MFHAS1: variants seen among roughly 807,000 people sequenced by gnomAD.
The protein encoded by MFHAS1 is malignant fibrous histiocytoma-amplified sequence 1.
In MFHAS1, 50 loss-of-function variants were observed where a neutral mutation model predicts 70.4. The ratio of observed to expected loss-of-function variants is 0.71; its 90% CI spans 0.57 to 0.90. The LOEUF is 0.90. MFHAS1 is among the 40% of genes least tolerant of loss of function. The pLI, the probability that MFHAS1 is intolerant of heterozygous loss-of-function variation, is 0.00. For missense variants in MFHAS1, 1,795 were observed against 1,347.6 expected, an observed-to-expected ratio of 1.33 and a Z score of -5.20; for synonymous variants, 952 against 620.0, an observed-to-expected ratio of 1.54 and a Z score of -7.96.
intron 1 of MFHAS1, among the ~76,000 whole-genome samples, chr8:8,803,495 C>T (rs1458152060): frequency 1.5e-4 from 21 of 142,648 alleles, no homozygotes; most frequent in African/African-American, 3.4e-4. Context: ...CCAGCCTGGG[C>T]GACAGAGCAA....
At chr8:8,871,137 T>C (rs1809060442) in intron 1 of MFHAS1, among the ~76,000 whole-genome samples, 1 of 152,200 alleles carries the variant, frequency 6.6e-6, no homozygotes, top group African/African-American at 2.4e-5. Context: ...ACCTGGGCTC[T>C]GCTACATGCT....
At chr8:8,858,429 G>C (rs1214547506) in intron 1 of MFHAS1, among the ~76,000 whole-genome samples, 4 of 151,824 alleles carry the variant, frequency 2.6e-5, no homozygotes, top group Non-Finnish European at 5.9e-5. Context: ...TATATTAAAT[G>C]GCCCATCCAG....
chr8:8,854,292 GGAGGTCAAGAA>G (rs1238876007), intron 1 of MFHAS1, among the ~76,000 whole-genome samples: 7 of 152,098 alleles, frequency 4.6e-5, no homozygotes, highest in Non-Finnish European at 1.0e-4. Flanking sequence ...CAGCACTTTG[GGAGGTCAAGAA>G]GAGGTCAGGA....
chr8:8,793,251 TTAAAA>T (rs1460533681), intron 2 of MFHAS1, among the ~76,000 whole-genome samples: 2 of 152,198 alleles, frequency 1.3e-5, no homozygotes, highest in Non-Finnish European at 1.5e-5. Flanking sequence ...TACAAATTGT[TTAAAA>T]TAAGAAATAG....
At chr8:8,864,232 C>G (rs1281554357) in intron 1 of MFHAS1, among the ~76,000 whole-genome samples, 2 of 152,184 alleles carry the variant, frequency 1.3e-5, no homozygotes, top group Admixed American at 1.3e-4. Flanking sequence ...GTTCTGGTAA[C>G]ATAAACACAG....
Position 8,865,814 on chromosome 8 carries a change from T to C in MFHAS1, c.2998+24247A>G, listed in dbSNP as rs1649820628. On this transcript the variant is annotated intron_variant, in intron 1 of 2. Transcript: ENST00000276282. Reference sequence around the variant, plus strand: ...TCTTAGAAGAATTTAATTTTCATAGTCCAAAAAGGTCAGAAGCCTGGTTGA... The same window carrying C: ...TCTTAGAAGAATTTAATTTTCATAGCCCAAAAAGGTCAGAAGCCTGGTTGA... Among the ~76,000 whole-genome samples, 3 of 152,178 alleles carry C rather than the reference T, an allele frequency of 2.0e-5. No homozygotes were observed. The South Asian group carries it at 6.2e-4, about 32-fold the overall frequency.
In MFHAS1 at chr8:8,890,495, T is replaced by C; in HGVS notation, c.2564A>G (p.Gln855Arg). 6.2e-7 allele frequency: 1 copy of C among 1,613,854 alleles called. No homozygotes were observed. The highest frequency in any genetic ancestry group is 2.2e-5 in the East Asian group (1 of 44,894). Residue 855 changes from glutamine (Q) to arginine (R), a missense_variant, in exon 1 of 3, where the codon CAG becomes CGG. By Grantham distance (43) the Gln-to-Arg change is conservative. Transcript: ENST00000276282. The part of the protein sequence containing the change: ...TAWYKFPCYV[Q>R]NEVPHAEAWI... ...GGCTTCTGCATGGGGCACCTCGTTCTGCACATAGCATGGGAACTTGTACCA... is the reference window on the plus strand; with the variant it reads ...GGCTTCTGCATGGGGCACCTCGTTCCGCACATAGCATGGGAACTTGTACCA...
intron 1 of MFHAS1, among the ~76,000 whole-genome samples, chr8:8,870,388 C>G (rs183470918): frequency 1.1e-4 from 17 of 152,102 alleles, no homozygotes; most frequent in African/African-American, 4.1e-4. Flanking sequence ...ATAGCTTGAG[C>G]CCAGGAAGTT....
intron 1 of MFHAS1, among the ~76,000 whole-genome samples, chr8:8,816,326 A>C (rs554139560): frequency 7.2e-5 from 11 of 152,372 alleles, no homozygotes; most frequent in Admixed American, 7.2e-4. Context: ...ACAAACAAAC[A>C]AAAACACAAA....
At chr8:8,852,206 G>A (rs12545049) in intron 1 of MFHAS1, among the ~76,000 whole-genome samples, 13 of 152,102 alleles carry the variant, frequency 8.5e-5, no homozygotes, top group Non-Finnish European at 7.3e-5. Context: ...GTCCAGGTGC[G>A]GTGACTCACA....
At chr8:8,843,715 AG>A (rs2116858465) in intron 1 of MFHAS1, among the ~76,000 whole-genome samples, 1 of 152,284 alleles carries the variant, frequency 6.6e-6, no homozygotes, top group South Asian at 2.1e-4. Context: ...GAGAGGGCAG[AG>A]GCTCATTTCT....
chr8:8,890,781 C>T lies in MFHAS1; in HGVS notation c.2278G>A (p.Gly760Ser), dbSNP rs1317776674. ...GGGGAGCTTTCCCCCTCCGCCTTGC[C>T]CTCTCCACTGGTCCCTAGGAGCAGC... is the stretch of plus-strand genomic sequence containing the variant. ...HKLLLGTSGEGKAEGESSPPM... is the reference protein window; with the variant it reads ...HKLLLGTSGESKAEGESSPPM... Residue 760 changes from glycine (G) to serine (S), a missense_variant, in exon 1 of 3, where the codon GGC becomes AGC. By Grantham distance (56) the Gly-to-Ser change is moderately conservative. Transcript: ENST00000276282. The T allele has an allele frequency of 2.0e-5, 33 of 1,614,026 alleles. No homozygotes were observed. The highest frequency in any genetic ancestry group is 2.8e-5 in the Non-Finnish European group (33 of 1,180,022).
chr8:8,834,964 C>A (rs1047780035), intron 1 of MFHAS1, among the ~76,000 whole-genome samples: 17 of 152,142 alleles, frequency 1.1e-4, no homozygotes, highest in Non-Finnish European at 2.1e-4. Context: ...TGGTAGGTAT[C>A]CCTTTTAACT....
chr8:8,788,363 T>C (rs572831078), intron 2 of MFHAS1, among the ~76,000 whole-genome samples: 134 of 152,334 alleles, frequency 8.8e-4, no homozygotes, highest in South Asian at 3.1e-3. Flanking sequence ...TATGAGATCA[T>C]TACCAAAAGA....
At chr8:8,817,214 C>T (rs1451763240) in intron 1 of MFHAS1, among the ~76,000 whole-genome samples, 1 of 151,748 alleles carries the variant, frequency 6.6e-6, no homozygotes, top group Non-Finnish European at 1.5e-5. Context: ...GAGTAACCAC[C>T]ATAATAATCT....
At chr8:8,830,879 G>C (rs976887024) in intron 1 of MFHAS1, among the ~76,000 whole-genome samples, 13 of 152,176 alleles carry the variant, frequency 8.5e-5, no homozygotes, top group Non-Finnish European at 1.8e-4. Flanking sequence ...TTACAGGCAT[G>C]AGCCACCGTG....
At chr8:8,823,043 G>A (rs931427743) in intron 1 of MFHAS1, among the ~76,000 whole-genome samples, 2 of 152,108 alleles carry the variant, frequency 1.3e-5, no homozygotes, top group Non-Finnish European at 2.9e-5. Flanking sequence ...GAGGGACACA[G>A]GACAGTCTCG....
chr8:8,862,007 CT>C (rs539198318), intron 1 of MFHAS1, among the ~76,000 whole-genome samples: 98 of 152,288 alleles, frequency 6.4e-4, no homozygotes, highest in African/African-American at 2.1e-3. Flanking sequence ...ATTTGTGTAT[CT>C]TTTTAAAATG....
At chr8:8,816,381 A>T (rs546304801) in intron 1 of MFHAS1, among the ~76,000 whole-genome samples, 2 of 152,336 alleles carry the variant, frequency 1.3e-5, no homozygotes, top group Admixed American at 1.3e-4. Flanking sequence ...AAGAAATATC[A>T]ATTGGGGTTA....
Sources: gnomAD v4.1 joint callset for allele counts (sites outside exome capture counted in the v4.1 genomes callset) on GRCh38, gnomAD v4.1.1 for gene constraint, MANE v1.5 for transcripts, NCBI Gene and HGNC (gene_info 2026-07-23, HGNC 2026-07-21) for gene names.